The following CPLANE2 variants were observed in gnomAD, a reference collection of about 807,000 sequenced individuals.
The protein encoded by CPLANE2 is ciliogenesis and planar polarity effector 2.
Under a neutral mutation model 20.9 loss-of-function variants are expected in CPLANE2, and 24 were observed. That is an observed-to-expected ratio of 1.15 (90% CI 0.83 to 1.61). CPLANE2 has a LOEUF of 1.61. CPLANE2 is among the 40% of genes most tolerant of loss of function. The probability of loss-of-function intolerance (pLI) is 0.00; values close to 1 mark genes in which losing one functional copy is unlikely to be tolerated. For synonymous variants in CPLANE2, 132 were observed against 144.3 expected (o/e 0.92, Z 0.61); for missense variants, 330 against 355.1 (o/e 0.93, Z 0.57).
rs534124234 is a variant in CPLANE2 at position 16,235,516 on chromosome 1, C to G, written c.112+1115G>C. Among the ~76,000 whole-genome samples the G allele has an allele frequency of 1.2e-3, 178 of 152,156 alleles. 1 individual carries two copies. The highest frequency in any genetic ancestry group is 6.8e-3 in the Middle Eastern group (2 of 294). ...TCTATGGGGTAAATACTGTGATTAT[C>G]CCCATTTTACAGAGGTGGGACTTGA... On this transcript the variant is annotated intron_variant, in intron 1 of 4. Coordinates refer to ENST00000375599, the MANE Select transcript of CPLANE2 (RefSeq NM_030907.4).
In CPLANE2 at chr1:16,236,966, T is replaced by A; in HGVS notation, c.-224A>T. 2.0e-6 allele frequency: 1 copy of A among 511,452 alleles called. No homozygotes were observed. Among genetic ancestry groups the A allele is most frequent in the South Asian group, 2.3e-5 (1 of 42,744 alleles). The allele number at this position is 511,452 out of a possible 1,614,324, so 31.7% of individuals were successfully genotyped here. On this transcript the variant is annotated 5_prime_UTR_variant, in exon 1 of 5. Coordinates refer to ENST00000375599, the MANE Select transcript of CPLANE2 (RefSeq NM_030907.4). ...ATGGAGGGTATTCACACAGCCCCTC[T>A]CCCCTTGTCACCTCCGGGGGTCAGA...
Position 16,231,948 on chromosome 1 carries a change from TG to T in CPLANE2, c.*99del, listed in dbSNP as rs1313400505. ...CACATCCTCCCTGATCAGGCCATGC[TG>T]GCCAGTCCTCCAGATAGGATCCATG... On this transcript the variant is annotated 3_prime_UTR_variant, in exon 5 of 5. Coordinates refer to ENST00000375599, the MANE Select transcript of CPLANE2 (RefSeq NM_030907.4). The T allele has an allele frequency of 1.3e-6, 2 of 1,502,398 alleles. No homozygotes were observed. The highest frequency in any genetic ancestry group is 2.7e-5 in the African/African-American group (2 of 73,112). The allele number at this position is 1,502,398 out of a possible 1,614,324, so 93.1% of individuals were successfully genotyped here.
At chr1:16,234,916 G>A (rs2081452694) in intron 1 of CPLANE2, among the ~76,000 whole-genome samples, 1 of 152,036 alleles carries the variant, frequency 6.6e-6, no homozygotes, top group African/African-American at 2.4e-5. Context: ...TAGAGATGGG[G>A]TTTCTCCATG....
In CPLANE2 at chr1:16,233,714, T is replaced by G. The variant is rs1037551797; in HGVS notation, c.163A>C (p.Ser55Arg). The G allele has an allele frequency of 6.2e-7, 1 of 1,614,140 alleles. No homozygotes were observed. The highest frequency in any genetic ancestry group is 8.5e-7 in the Non-Finnish European group (1 of 1,180,036). ...LLPPVSIDTA[S>R]YKIFVSGKSG... Reference sequence around the variant, plus strand: ...TTCCCGGACACAAAGATCTTGTAGCTGGCAGTGTCAATGGACACAGGCGGC... The same window carrying G: ...TTCCCGGACACAAAGATCTTGTAGCGGGCAGTGTCAATGGACACAGGCGGC... The change falls in exon 2 of 5, where the codon AGC becomes CGC. Residue 55 changes from serine (S) to arginine (R), a missense_variant. Coordinates refer to ENST00000375599, the MANE Select transcript of CPLANE2 (RefSeq NM_030907.4).
chr1:16,232,143 C>A lies in CPLANE2; in HGVS notation c.682G>T (p.Ala228Ser), dbSNP rs752042722. 6 of 1,613,444 alleles carry A rather than the reference C, an allele frequency of 3.7e-6. No homozygotes were observed. Among genetic ancestry groups the A allele is most frequent in the Non-Finnish European group, 5.1e-6 (6 of 1,180,002 alleles). ...TCAGCAAGGCCATTGAGTATGTGGG[C>A]AACGTCGGCCAGCCCAGCCCGCCCG... ...LDGRAGLADV[A>S]HILNGLAEQL... Residue 228 changes from alanine (A) to serine (S), a missense_variant, in exon 5 of 5, where the codon GCC becomes TCC. By Grantham distance (99) the Ala-to-Ser change is moderately conservative. Transcript: ENST00000375599.
intron 1 of CPLANE2, among the ~76,000 whole-genome samples, chr1:16,234,358 C>T (rs529824358): frequency 9.9e-4 from 151 of 152,212 alleles, no homozygotes; most frequent in African/African-American, 3.5e-3. Context: ...GCCGAGATCA[C>T]ACCACTGCAC....
chr1:16,233,379 A>C (rs1373679062), intron 2 of CPLANE2, among the ~76,000 whole-genome samples: 2 of 152,186 alleles, frequency 1.3e-5, no homozygotes, highest in African/African-American at 2.4e-5. Flanking sequence ...CTGAGCATTT[A>C]CCTTGAGCGT....
chr1:16,236,433 G>C (rs2081466189), intron 1 of CPLANE2, among the ~76,000 whole-genome samples, 198 bp downstream of exon 1: 6 of 152,218 alleles, frequency 3.9e-5, no homozygotes, highest in Admixed American at 3.9e-4. Flanking sequence ...TCTGACGATG[G>C]AATTAGCTCT....
At chr1:16,234,041 T>A (rs1405122572) in intron 1 of CPLANE2, among the ~76,000 whole-genome samples, 3 of 152,184 alleles carry the variant, frequency 2.0e-5, no homozygotes, top group African/African-American at 7.2e-5. Flanking sequence ...CAGATGCTGC[T>A]GCCATGTTCT....
At position 16,237,086 on chromosome 1, in the gene CPLANE2, G is replaced by T. The variant is rs1035088546; in HGVS notation, c.-344C>A. ...CCGGCGGCGAACCGACCTGGGTGCCGAAGGCCCCTTTAAACGCCCACCCGC... is the reference window on the plus strand; with the variant it reads ...CCGGCGGCGAACCGACCTGGGTGCCTAAGGCCCCTTTAAACGCCCACCCGC... On this transcript the variant is annotated 5_prime_UTR_variant, in exon 1 of 5. Transcript: ENST00000375599. The T allele has an allele frequency of 2.6e-5, 5 of 189,116 alleles. No homozygotes were observed. The South Asian group carries it at 7.0e-4, about 27-fold the overall frequency. The allele number at this position is 189,116 out of a possible 1,614,324, so 11.7% of individuals were successfully genotyped here.
Position 16,231,991 on chromosome 1 carries a change from C to T in CPLANE2, c.*57G>A, listed in dbSNP as rs927949175. On this transcript the variant is annotated 3_prime_UTR_variant, in exon 5 of 5. Coordinates refer to ENST00000375599, the MANE Select transcript of CPLANE2 (RefSeq NM_030907.4). ...GGATCCATGTTCCTGCCCCAGCCTCCAGCCCTATGTCGAGACCTGAGGGTT... is the reference window on the plus strand; with the variant it reads ...GGATCCATGTTCCTGCCCCAGCCTCTAGCCCTATGTCGAGACCTGAGGGTT... 5.1e-6 allele frequency: 8 copies of T among 1,575,598 alleles called. No individual in the cohort carries two copies. The highest frequency in any genetic ancestry group is 1.3e-5 in the African/African-American group (1 of 74,658).
chr1:16,232,850 T>G (rs1296166337), intron 3 of CPLANE2, 43 bp downstream of exon 3: 18 of 1,610,980 alleles, frequency 1.1e-5, no homozygotes, highest in Non-Finnish European at 1.4e-5. Context: ...TAATACCCAA[T>G]CGGCCCCTGG....
At chr1:16,234,127 C>T (rs895600122) in intron 1 of CPLANE2, among the ~76,000 whole-genome samples, 6 of 152,126 alleles carry the variant, frequency 3.9e-5, no homozygotes, top group Non-Finnish European at 8.8e-5. Context: ...AGGCCTGGTG[C>T]GGTGGCTTAC....
intron 3 of CPLANE2, 45 bp from the exon 4 acceptor site, chr1:16,232,691 C>T (rs766181520): frequency 4.7e-5 from 76 of 1,609,526 alleles, no homozygotes; most frequent in African/African-American, 6.7e-5. Flanking sequence ...CCATCAGCTG[C>T]AGGGCCCTCA....
intron 4 of CPLANE2, 25 bp from the exon 5 acceptor site, chr1:16,232,322 C>G: frequency 1.9e-6 from 3 of 1,586,512 alleles, no homozygotes; most frequent in Non-Finnish European, 2.6e-6. Flanking sequence ...AGGAGCCTAA[C>G]TGGGTGCCTC....
chr1:16,232,470 C>G lies in CPLANE2; in HGVS notation c.527+40G>C, dbSNP rs375728703. The G allele has an allele frequency of 3.1e-6, 5 of 1,606,234 alleles. No homozygotes were observed. In the East Asian group the frequency reaches 1.1e-4, roughly 36 times the overall value. ...CCTGGGCAGAGGCTGGGCCCCTGAC[C>G]CCCTGGCTCCGTGACTTGCCAAGGA... On this transcript the variant is annotated intron_variant, in intron 4 of 4. Coordinates refer to ENST00000375599, the MANE Select transcript of CPLANE2 (RefSeq NM_030907.4).
intron 1 of CPLANE2, among the ~76,000 whole-genome samples, chr1:16,235,659 G>A (rs1024369669): frequency 1.3e-5 from 2 of 150,784 alleles, no homozygotes; most frequent in South Asian, 4.2e-4. Context: ...TAGAGGGACA[G>A]TGGCCATATT....
At chr1:16,234,380 C>T (rs1360756257) in intron 1 of CPLANE2, among the ~76,000 whole-genome samples, 5 of 152,048 alleles carry the variant, frequency 3.3e-5, no homozygotes, top group African/African-American at 4.8e-5. Context: ...CCAGCCTGGG[C>T]GACAGAGCGA....
intron 2 of CPLANE2, among the ~76,000 whole-genome samples, 188 bp from the exon 3 acceptor site, chr1:16,233,205 G>A (rs1039484758): frequency 2.7e-4 from 41 of 152,216 alleles, no homozygotes; most frequent in African/African-American, 9.4e-4. Context: ...TGGCCCTGGA[G>A]GAGACTCTGG....
Sources: allele counts gnomAD v4.1 joint callset (sites outside exome capture counted in the v4.1 genomes callset), GRCh38; gene constraint gnomAD v4.1.1; transcripts MANE v1.5; gene names NCBI Gene and HGNC (gene_info 2026-07-23, HGNC 2026-07-21).